ZNF761: variants seen among roughly 807,000 people sequenced by gnomAD.
ZNF761 encodes the protein zinc finger protein 761.
Under a neutral mutation model 59.9 loss-of-function variants are expected in ZNF761, and 43 were observed. The ratio of observed to expected loss-of-function variants is 0.72; its 90% CI spans 0.56 to 0.92. ZNF761 has a LOEUF of 0.92. Among genes scored for constraint, ZNF761 ranks in the 40% least tolerant of loss-of-function variants. ZNF761 has a pLI of 0.00. For missense variants in ZNF761, 850 were observed against 906.1 expected (o/e 0.94, Z 0.79); for synonymous variants, 294 against 304.8 (o/e 0.96, Z 0.37).
intron 1 of ZNF761, among the ~76,000 whole-genome samples, chr19:53,434,830 T>G (rs2086020650): frequency 6.6e-6 from 1 of 152,200 alleles, no homozygotes. Context: ...AGGAAATGCT[T>G]AAGCTGCTAG....
At chr19:53,432,523 C>T (rs1057240364) in intron 1 of ZNF761, among the ~76,000 whole-genome samples, 6 of 152,124 alleles carry the variant, frequency 3.9e-5, no homozygotes, top group African/African-American at 1.4e-4. Context: ...ATCACCGCTT[C>T]CCCTGAGCCC....
intron 4 of ZNF761, among the ~76,000 whole-genome samples, chr19:53,451,749 ATTTTTTTTTTT>A (rs747022735): frequency 6.1e-4 from 78 of 128,454 alleles, no homozygotes; most frequent in African/African-American, 1.8e-3. Context: ...CACCCGGCTA[ATTTTTTTTTTT>A]TTTTTTTTTT....
chr19:53,457,212 T>G lies in ZNF761; in HGVS notation c.*464T>G, dbSNP rs2086280406. The G allele has an allele frequency of 4.1e-6, 2 of 490,122 alleles. No homozygotes were observed. Among genetic ancestry groups the G allele is most frequent in the Admixed American group, 4.7e-5 (2 of 42,456 alleles). 30.4% of individuals were successfully genotyped at this position (490,122 alleles called of 1,614,324 possible). On this transcript the variant is annotated 3_prime_UTR_variant, in exon 5 of 5. Transcript: ENST00000684525. ...TAATGCTACAACCATTGTGAATCAC[T>G]GGAGAATCCATAAGGAAGAGAGATC...
intron 1 of ZNF761, chr19:53,443,765 A>C (rs970619362): frequency 6.6e-6 from 1 of 151,912 alleles, no homozygotes; most frequent in South Asian, 2.1e-4. Flanking sequence ...CATCCAAGCC[A>C]CAAGGGGTTT....
intron 4 of ZNF761, among the ~76,000 whole-genome samples, chr19:53,453,051 C>G (rs1402421271): frequency 6.6e-6 from 1 of 152,218 alleles, no homozygotes; most frequent in Non-Finnish European, 1.5e-5. Flanking sequence ...TTAAGGTCAA[C>G]AATGCACAGG....
intron 4 of ZNF761, among the ~76,000 whole-genome samples, chr19:53,451,883 G>A (rs920574561): frequency 1.3e-5 from 2 of 151,804 alleles, no homozygotes; most frequent in Non-Finnish European, 1.5e-5. Flanking sequence ...CACCATGCCT[G>A]GCCAGCCTCA....
chr19:53,455,039 C>A lies in ZNF761; in HGVS notation c.532C>A (p.Gln178Lys). The change falls in exon 5 of 5, where the codon CAA becomes AAA. Residue 178 changes from glutamine (Q) to lysine (K), a missense_variant. Physicochemically the swap from Gln to Lys is moderately conservative, Grantham distance 53. Transcript: ENST00000684525. ...CGATGCTTCCTTGGTTTCAACAGCC[C>A]AAAGAATTTCTTGTAGGCCCAAAAC... ...VHDASLVSTA[Q>K]RISCRPKTHI... 1 of 1,614,068 alleles carries A rather than the reference C, an allele frequency of 6.2e-7. No individual in the cohort carries two copies.
chr19:53,442,045 G>C, intron 1 of ZNF761: 1 of 878,830 alleles, frequency 1.1e-6, no homozygotes, highest in South Asian at 1.4e-5. Flanking sequence ...TGGTTGAAGA[G>C]GAGCTGGACT....
At chr19:53,436,764 T>G (rs2086046423) in intron 1 of ZNF761, among the ~76,000 whole-genome samples, 1 of 152,196 alleles carries the variant, frequency 6.6e-6, no homozygotes, top group Non-Finnish European at 1.5e-5. Flanking sequence ...TATCAGTACT[T>G]TAGTCACTTC....
At chr19:53,442,424 G>A (rs926974911) in intron 1 of ZNF761, 1 of 904,448 alleles carries the variant, frequency 1.1e-6, no homozygotes, top group Non-Finnish European at 1.8e-6. Context: ...GTGAGGAAGA[G>A]ATGAAGATTC....
Position 53,457,013 on chromosome 19 carries a change from T to C in ZNF761, c.*265T>C. On this transcript the variant is annotated 3_prime_UTR_variant, in exon 5 of 5. Transcript: ENST00000684525. ...AAAATGTAAGAGTTTGTGACAAGGC[T>C]TTTGGGCATGATTCGCACCTGGCAC... 1 of 654,630 alleles carries C rather than the reference T, an allele frequency of 1.5e-6. No homozygotes were observed. The highest frequency in any genetic ancestry group is 2.7e-6 in the Non-Finnish European group (1 of 370,282). 40.6% of individuals were successfully genotyped at this position (654,630 alleles called of 1,614,324 possible).
chr19:53,448,251 C>T (rs2086181904), intron 3 of ZNF761, among the ~76,000 whole-genome samples: 1 of 152,230 alleles, frequency 6.6e-6, no homozygotes, highest in Admixed American at 6.5e-5. Flanking sequence ...GATCTGCCCA[C>T]CGCAGTCTCC....
Sources: gnomAD v4.1 joint callset for allele counts (sites outside exome capture counted in the v4.1 genomes callset) on GRCh38, gnomAD v4.1.1 for gene constraint, MANE v1.5 for transcripts, NCBI Gene and HGNC (gene_info 2026-07-23, HGNC 2026-07-21) for gene names.